Variants in PRKAG2 observed in about 807,000 individuals in gnomAD.
PRKAG2 encodes 5'-AMP-activated protein kinase subunit gamma-2.
Under a neutral mutation model 69.6 loss-of-function variants are expected in PRKAG2, and 26 were observed. That is an observed-to-expected ratio of 0.37 (90% CI 0.27 to 0.52). PRKAG2 has a LOEUF of 0.52. Among genes scored for constraint, PRKAG2 ranks in the 20% least tolerant of loss-of-function variants. The probability of loss-of-function intolerance (pLI) is 0.90; values close to 1 mark genes in which losing one functional copy is unlikely to be tolerated. For synonymous variants in PRKAG2, 293 were observed against 285.0 expected (o/e 1.03, Z -0.28); for missense variants, 557 against 740.0 (o/e 0.75, Z 2.87).
At chr7:151,752,849 C>G (rs1257055767) in intron 3 of PRKAG2, among the ~76,000 whole-genome samples, 1 of 152,198 alleles carries the variant, frequency 6.6e-6, no homozygotes, top group Non-Finnish European at 1.5e-5. Context: ...AGTAGGTCCC[C>G]CTGAAGCCCT....
At chr7:151,668,273 C>A (rs1831329657) in intron 4 of PRKAG2, among the ~76,000 whole-genome samples, 1 of 152,188 alleles carries the variant, frequency 6.6e-6, no homozygotes, top group African/African-American at 2.4e-5. Flanking sequence ...AGGCATGAGG[C>A]CTTCATCAGA....
chr7:151,587,449 C>G (rs1811961164), intron 6 of PRKAG2, among the ~76,000 whole-genome samples: 2 of 152,258 alleles, frequency 1.3e-5, no homozygotes, highest in South Asian at 2.1e-4. Context: ...TGACTTCCTT[C>G]TTGGGACTAT....
chr7:151,715,725 A>G (rs986448706), intron 3 of PRKAG2, among the ~76,000 whole-genome samples: 3 of 151,596 alleles, frequency 2.0e-5, no homozygotes, highest in African/African-American at 7.3e-5. Context: ...GGAAGAAGAG[A>G]AAGATAGGGG....
chr7:151,649,742 G>A (rs781547124), intron 4 of PRKAG2, among the ~76,000 whole-genome samples: 3 of 152,060 alleles, frequency 2.0e-5, no homozygotes, highest in Admixed American at 6.6e-5. Flanking sequence ...AGGTATGTGC[G>A]GCCCCTTCAC....
rs200584739 is a variant in PRKAG2, at chr7:151,839,029, AAAT to A, written c.114+37475_114+37477del. 8.8e-4 allele frequency among the ~76,000 whole-genome samples: 130 copies of A among 148,558 alleles called. 1 individual carries two copies. Among genetic ancestry groups the A allele is most frequent in the African/African-American group, 2.1e-3 (87 of 40,874 alleles). On this transcript the variant is annotated intron_variant, in intron 1 of 15. Transcript: ENST00000287878. ...GACTGTCTCAAAAAAAAAAAAAAAAAAATAGAAAAGGGGCAGCTTCCTCTGAAG... is the reference window on the plus strand; with the variant it reads ...GACTGTCTCAAAAAAAAAAAAAAAAAAGAAAAGGGGCAGCTTCCTCTGAAG...
At chr7:151,615,023 A>T (rs1819755123) in intron 5 of PRKAG2, among the ~76,000 whole-genome samples, 1 of 152,094 alleles carries the variant, frequency 6.6e-6, no homozygotes, top group Non-Finnish European at 1.5e-5. Flanking sequence ...ACCCCGAGAC[A>T]GAAGCCGTGT....
chr7:151,612,857 A>T (rs1353212811), intron 5 of PRKAG2, among the ~76,000 whole-genome samples: 1 of 152,224 alleles, frequency 6.6e-6, no homozygotes, highest in Non-Finnish European at 1.5e-5. Context: ...GGAAGGAGAG[A>T]GTTTCAGGTA....
At chr7:151,774,788 AGAGT>A (rs1236838980) in intron 3 of PRKAG2, among the ~76,000 whole-genome samples, 1 of 152,226 alleles carries the variant, frequency 6.6e-6, no homozygotes, top group Non-Finnish European at 1.5e-5. Flanking sequence ...GCCTGGTGAC[AGAGT>A]GAGACTCCAT....
At chr7:151,716,205 C>T (rs1007532906) in intron 3 of PRKAG2, among the ~76,000 whole-genome samples, 8 of 152,180 alleles carry the variant, frequency 5.3e-5, no homozygotes, top group South Asian at 2.1e-4. Flanking sequence ...ATGTCAGCCC[C>T]ATGGGTCAGA....
chr7:151,605,936 C>CAAAAAAAAAAAAAAAAAAA (rs560080587), intron 5 of PRKAG2, among the ~76,000 whole-genome samples: 41 of 91,042 alleles, frequency 4.5e-4, no homozygotes, highest in African/African-American at 1.5e-3. Context: ...GACTCCGTCT[C>CAAAAAAAAAAAAAAAAAAA]AAAAAAAAAA....
rs1012988475 is a variant in PRKAG2, at chr7:151,638,847, A to T, written c.685-6709T>A. ...TCTTAAATAGCTCCTGCAAGAAATA[A>T]ATCAACCTCAAATACTGGGTAAGGA... On this transcript the variant is annotated intron_variant, in intron 4 of 15. Transcript: ENST00000287878. The surrounding 1 kb of genome is among the most constrained non-coding windows in gnomAD (Gnocchi z 4.3). 2.0e-5 allele frequency among the ~76,000 whole-genome samples: 3 copies of T among 152,182 alleles called. No homozygotes were observed. The highest frequency in any genetic ancestry group is 4.8e-5 in the African/African-American group (2 of 41,444).
chr7:151,844,479 C>G (rs1411611631), intron 1 of PRKAG2, among the ~76,000 whole-genome samples: 2 of 152,170 alleles, frequency 1.3e-5, no homozygotes, highest in Non-Finnish European at 2.9e-5. Flanking sequence ...CCTGGGTGAG[C>G]GTGTCCATCG....
At position 151,573,611 on chromosome 7, in the gene PRKAG2, A is replaced by G. The variant is rs77202558; in HGVS notation, c.1006-902T>C. On this transcript the variant is annotated intron_variant, in intron 8 of 15. Transcript: ENST00000287878. ...TGCTGCATTTCACAGAAATCTATCTATTCAAAAATCACACTCATGCTGATT... is the reference window on the plus strand; with the variant it reads ...TGCTGCATTTCACAGAAATCTATCTGTTCAAAAATCACACTCATGCTGATT... Among the ~76,000 whole-genome samples, 1,167 of 152,288 alleles carry G rather than the reference A, an allele frequency of 7.7e-3. 4 individuals carry two copies. Among genetic ancestry groups the G allele is most frequent in the Non-Finnish European group, 0.011 (772 of 68,016 alleles).
chr7:151,638,253 GA>G lies in PRKAG2; in HGVS notation c.685-6116del, dbSNP rs2151354637. On this transcript the variant is annotated intron_variant, in intron 4 of 15. Transcript: ENST00000287878. This position sits in a 1 kb window ranked among gnomAD's most constrained non-coding sequence, Gnocchi z 4.3. Reference sequence around the variant, plus strand: ...TACTGGACTCTAGTGTGGTGGGAGGGAACAGAGGGACCCAAGTTGGACTTTA... The same window carrying G: ...TACTGGACTCTAGTGTGGTGGGAGGGACAGAGGGACCCAAGTTGGACTTTA... 6.6e-6 allele frequency among the ~76,000 whole-genome samples: 1 copy of G among 152,286 alleles called. No individual in the cohort carries two copies. Among genetic ancestry groups the G allele is most frequent in the East Asian group, 1.9e-4 (1 of 5,186 alleles).
intron 5 of PRKAG2, among the ~76,000 whole-genome samples, chr7:151,623,611 A>G (rs1166120694): frequency 1.3e-5 from 2 of 152,130 alleles, no homozygotes; most frequent in Non-Finnish European, 2.9e-5. Flanking sequence ...TATCATGCCC[A>G]TGTTATTTAA....
intron 11 of PRKAG2, 115 bp from the exon 12 acceptor site, chr7:151,566,000 C>T: frequency 8.3e-7 from 1 of 1,199,492 alleles, no homozygotes; most frequent in Non-Finnish European, 1.2e-6. Flanking sequence ...TTTTTTCTAA[C>T]AGTCTACCTG....
At chr7:151,566,951 A>T (rs1806395390) in intron 11 of PRKAG2, among the ~76,000 whole-genome samples, 1 of 152,204 alleles carries the variant, frequency 6.6e-6, no homozygotes, top group Admixed American at 6.5e-5. Flanking sequence ...TCTAATTACC[A>T]TATTGGCCCA....
intron 3 of PRKAG2, among the ~76,000 whole-genome samples, chr7:151,715,521 T>C (rs1412789017): frequency 1.3e-5 from 2 of 149,166 alleles, no homozygotes; most frequent in Non-Finnish European, 3.0e-5. Context: ...GCCCAGCTAA[T>C]TTTTTTGTAT....
At position 151,719,582 on chromosome 7, in the gene PRKAG2, C is replaced by A. The variant is rs945875113; in HGVS notation, c.467-43945G>T. Among the ~76,000 whole-genome samples, 3 of 152,110 alleles carry A rather than the reference C, an allele frequency of 2.0e-5. No homozygotes were observed. Among genetic ancestry groups the A allele is most frequent in the Admixed American group, 6.5e-5 (1 of 15,286 alleles). On this transcript the variant is annotated intron_variant, in intron 3 of 15. Transcript: ENST00000287878. This position sits in a 1 kb window ranked among gnomAD's most constrained non-coding sequence, Gnocchi z 5.2. ...ATGCCCCCTGTCTTCTGCCTCCTAC[C>A]CTCATCCTTCCCGGGCAGTTCCCCC...
Sources: gnomAD v4.1 joint callset for allele counts (sites outside exome capture counted in the v4.1 genomes callset) on GRCh38, gnomAD v4.1.1 for gene constraint, Gnocchi (gnomAD v3.1) non-coding constraint, MANE v1.5 for transcripts, NCBI Gene and HGNC (gene_info 2026-07-23, HGNC 2026-07-21) for gene names.